The following CNOT10 variants were observed in gnomAD, a reference collection of about 807,000 sequenced individuals.
The protein encoded by CNOT10 is CCR4-NOT transcription complex subunit 10.
A neutral mutation model predicts 94.6 loss-of-function variants in CNOT10; 30 were observed. That is an observed-to-expected ratio of 0.32 (90% CI 0.24 to 0.43). CNOT10 has a LOEUF of 0.43. CNOT10 is among the 20% of genes least tolerant of loss of function. CNOT10 has a pLI of 1.00. For missense variants in CNOT10, 759 were observed against 877.2 expected, an observed-to-expected ratio of 0.87 and a Z score of 1.70; for synonymous variants, 289 against 301.6, an observed-to-expected ratio of 0.96 and a Z score of 0.43.
chr3:32,701,599 T>C (rs1212220484), intron 1 of CNOT10, among the ~76,000 whole-genome samples: 1 of 152,124 alleles, frequency 6.6e-6, no homozygotes, highest in African/African-American at 2.4e-5. Flanking sequence ...GATGTCGTTA[T>C]TTAAAAGTGT....
chr3:32,714,294 T>G (rs1025089067), intron 5 of CNOT10, among the ~76,000 whole-genome samples: 1 of 151,958 alleles, frequency 6.6e-6, no homozygotes, highest in African/African-American at 2.4e-5. Context: ...TCTTTTCATA[T>G]ATGAGCTATT....
intron 9 of CNOT10, among the ~76,000 whole-genome samples, chr3:32,726,461 G>A (rs1034412142): frequency 3.3e-5 from 5 of 151,960 alleles, no homozygotes; most frequent in Non-Finnish European, 7.4e-5. Flanking sequence ...TAGGGAGGCC[G>A]AGGTGGGCAG....
chr3:32,740,628 C>T (rs1032512284), intron 13 of CNOT10, among the ~76,000 whole-genome samples: 3 of 151,660 alleles, frequency 2.0e-5, no homozygotes, highest in Non-Finnish European at 2.9e-5. Context: ...TTTGGGAGGC[C>T]GAGGCGGGTG....
chr3:32,737,210 G>A (rs561252803), intron 12 of CNOT10, among the ~76,000 whole-genome samples, 200 bp from the exon 13 acceptor site: 1 of 152,290 alleles, frequency 6.6e-6, no homozygotes, highest in Admixed American at 6.5e-5. Context: ...AGCTACTTGG[G>A]AGGCTGAGGC....
intron 5 of CNOT10, 87 bp from the exon 6 acceptor site, chr3:32,716,138 A>G: frequency 2.9e-6 from 2 of 684,970 alleles, no homozygotes; most frequent in Non-Finnish European, 2.4e-6. Context: ...TCTCTAGGTA[A>G]TTTAGATTAG....
At chr3:32,761,373 C>T (rs887703982) in intron 14 of CNOT10, among the ~76,000 whole-genome samples, 6 of 152,182 alleles carry the variant, frequency 3.9e-5, no homozygotes, top group Admixed American at 6.6e-5. Flanking sequence ...GTGGTGTATA[C>T]GGCCATTATG....
intron 13 of CNOT10, chr3:32,752,859 G>A (rs571805086): frequency 1.8e-5 from 5 of 281,432 alleles, no homozygotes; most frequent in Non-Finnish European, 3.5e-5. Context: ...AGTGGCGGAG[G>A]TGGTAACTAC....
intron 1 of CNOT10, among the ~76,000 whole-genome samples, chr3:32,699,494 A>G (rs1697233211): frequency 6.6e-6 from 1 of 152,164 alleles, no homozygotes; most frequent in Non-Finnish European, 1.5e-5. Context: ...AGCCATTCAT[A>G]TTTACTCTTC....
rs1575246199 is a variant in CNOT10 at position 32,725,591 on chromosome 3, C to G, written c.1004C>G (p.Thr335Ser). 1 of 1,611,886 alleles carries G rather than the reference C, an allele frequency of 6.2e-7. No individual in the cohort carries two copies. ...TGTGCACAGCTCAGTGCAGGTAGCACTGATCCAGGTAAGCCCAGTACTGGG... is the reference window on the plus strand; with the variant it reads ...TGTGCACAGCTCAGTGCAGGTAGCAGTGATCCAGGTAAGCCCAGTACTGGG... Reference protein sequence around the residue: ...NVCAQLSAGSTDPGKKFSGRP... With the variant: ...NVCAQLSAGSSDPGKKFSGRP... Residue 335 changes from threonine to serine, a missense_variant, in exon 9 of 19, where the codon ACT becomes AGT. Transcript: ENST00000328834.
chr3:32,729,771 T>C (rs1698851002), intron 10 of CNOT10, among the ~76,000 whole-genome samples: 1 of 129,844 alleles, frequency 7.7e-6, no homozygotes, highest in East Asian at 2.2e-4. Context: ...TTTTTTTTTT[T>C]TTTTTTTTTT....
Position 32,713,836 on chromosome 3 carries a change from T to C in CNOT10, c.573+467T>C, listed in dbSNP as rs186566610. Among the ~76,000 whole-genome samples, 387 of 152,314 alleles carry C rather than the reference T, an allele frequency of 2.5e-3. 1 individual carries two copies. Among genetic ancestry groups the C allele is most frequent in the African/African-American group, 9.0e-3 (373 of 41,588 alleles). On this transcript the variant is annotated intron_variant, in intron 5 of 18. Transcript: ENST00000328834. Reference sequence around the variant, plus strand: ...TTAGCATATACTTATTTTTGTTTCATGTACTTCATGCCTTTTGTGGCTGAA... The same window carrying C: ...TTAGCATATACTTATTTTTGTTTCACGTACTTCATGCCTTTTGTGGCTGAA...
intron 13 of CNOT10, among the ~76,000 whole-genome samples, chr3:32,748,347 A>G (rs1261081842): frequency 6.6e-6 from 1 of 152,096 alleles, no homozygotes; most frequent in Non-Finnish European, 1.5e-5. Context: ...AAGGCCTAAT[A>G]CCCAAAGGAA....
At chr3:32,686,665 A>G (rs1341563614) in intron 1 of CNOT10, among the ~76,000 whole-genome samples, 1 of 152,200 alleles carries the variant, frequency 6.6e-6, no homozygotes, top group Non-Finnish European at 1.5e-5. Flanking sequence ...TGAGGGAGAG[A>G]CTATTAGACA....
At chr3:32,738,587 C>T (rs1339964593) in intron 13 of CNOT10, among the ~76,000 whole-genome samples, 1 of 151,528 alleles carries the variant, frequency 6.6e-6, no homozygotes, top group Non-Finnish European at 1.5e-5. Flanking sequence ...CTCAACCTCC[C>T]GAGTAGCTGG....
chr3:32,720,089 A>G (rs762069574), intron 7 of CNOT10, 25 bp from the exon 8 acceptor site: 2 of 1,243,834 alleles, frequency 1.6e-6, no homozygotes, highest in African/African-American at 2.9e-5. Context: ...ACAAATTATA[A>G]GTAACTTTTA....
intron 13 of CNOT10, among the ~76,000 whole-genome samples, chr3:32,740,260 A>ACCATC: frequency 6.6e-6 from 1 of 151,730 alleles, no homozygotes; most frequent in East Asian, 2.0e-4. Flanking sequence ...GGAGTTCAAG[A>ACCATC]CTAGCCTGAC....
At chr3:32,752,854 C>T (rs1700022911) in intron 13 of CNOT10, 1 of 272,414 alleles carries the variant, frequency 3.7e-6, no homozygotes, top group South Asian at 4.2e-5. Flanking sequence ...TGGGCAGTGG[C>T]GGAGGTGGTA....
At chr3:32,754,489 A>AAAAAAAATATATATATATAT (rs77878221) in intron 13 of CNOT10, among the ~76,000 whole-genome samples, 7 of 70,214 alleles carry the variant, frequency 1.0e-4, no homozygotes, top group Admixed American at 4.6e-4. Flanking sequence ...AAAAAAAAAA[A>AAAAAAAATATATATATATAT]ATACATATAT....
intron 10 of CNOT10, among the ~76,000 whole-genome samples, chr3:32,731,403 G>T (rs1344062216): frequency 1.3e-5 from 2 of 152,284 alleles, no homozygotes; most frequent in Non-Finnish European, 2.9e-5. Context: ...GTTTGTTCTG[G>T]TATGTGAGAA....
Sources: gnomAD v4.1 joint callset for allele counts (sites outside exome capture counted in the v4.1 genomes callset) on GRCh38, gnomAD v4.1.1 for gene constraint, MANE v1.5 for transcripts, NCBI Gene and HGNC (gene_info 2026-07-23, HGNC 2026-07-21) for gene names.